RHBDD1: variants seen among roughly 807,000 people sequenced by gnomAD.
RHBDD1 encodes rhomboid domain containing 1, also known as rhomboid-related protein 4.
In RHBDD1, 38 loss-of-function variants were observed where a neutral mutation model predicts 36.3. The observed-to-expected ratio is 1.05, with a 90% CI of 0.81 to 1.37. The LOEUF is 1.37. Ranked by LOEUF, RHBDD1 falls within the 40% of genes most tolerant of loss-of-function variation. The pLI is 0.00. For synonymous variants in RHBDD1, 151 were observed against 136.5 expected, an observed-to-expected ratio of 1.11 and a Z score of -0.74; for missense variants, 393 against 377.6, an observed-to-expected ratio of 1.04 and a Z score of -0.34.
chr2:226,809,213 T>C, the RHBDD1 span, among the ~76,000 whole-genome samples: 16 of 152,180 alleles, frequency 1.1e-4, no homozygotes, highest in Non-Finnish European at 2.2e-4. Flanking sequence ...CCAGTAAAGT[T>C]GCTCTCTTTT....
intron 5 of RHBDD1, among the ~76,000 whole-genome samples, chr2:226,900,415 G>A (rs1947491369): frequency 6.6e-6 from 1 of 152,166 alleles, no homozygotes; most frequent in Admixed American, 6.5e-5. Flanking sequence ...AAAGGCAGCA[G>A]TGGTGTGCCT....
At chr2:226,917,840 T>C (rs1363456731) in intron 8 of RHBDD1, among the ~76,000 whole-genome samples, 2 of 151,988 alleles carry the variant, frequency 1.3e-5, no homozygotes, top group Non-Finnish European at 2.9e-5. Context: ...GGTTAGGATT[T>C]TGAATTACGG....
intron 5 of RHBDD1, among the ~76,000 whole-genome samples, chr2:226,900,155 C>T (rs537226643): frequency 6.6e-6 from 1 of 152,262 alleles, no homozygotes; most frequent in South Asian, 2.1e-4. Flanking sequence ...TTTCTGAAGA[C>T]AGGCTTGTTG....
chr2:226,855,326 AG>A (rs1943217644), intron 3 of RHBDD1, among the ~76,000 whole-genome samples: 1 of 152,196 alleles, frequency 6.6e-6, no homozygotes, highest in Non-Finnish European at 1.5e-5. Context: ...TGGACAACAC[AG>A]CAAGACCCCA....
chr2:226,899,951 T>C (rs1044318049), intron 5 of RHBDD1, among the ~76,000 whole-genome samples: 4 of 152,224 alleles, frequency 2.6e-5, no homozygotes, highest in Non-Finnish European at 5.9e-5. Context: ...TGTGCCGCCA[T>C]GATTTGAGTA....
rs1950894951 is a variant in RHBDD1, at chr2:226,945,166, T to TATG, written c.856+30817_856+30818insGAT. 2.0e-5 allele frequency among the ~76,000 whole-genome samples: 3 copies of TATG among 149,472 alleles called. No homozygotes were observed. In the Admixed American group the frequency reaches 2.0e-4, roughly 10 times the overall value. On this transcript the variant is annotated intron_variant, in intron 8 of 8. Coordinates refer to ENST00000392062, the MANE Select transcript of RHBDD1 (RefSeq NM_001167608.3). ...ATCTGATTATTATTATTATTATTAT[T>TATG]ATTATTATTATACTTTAAGTTCTGG...
At chr2:226,831,583 C>T (rs1940741641), upstream of RHBDD1, among the ~76,000 whole-genome samples, 1 of 152,122 alleles carries the variant, frequency 6.6e-6, no homozygotes, top group South Asian at 2.1e-4. Context: ...GGGAAAGAGA[C>T]AAGAATTCTC....
chr2:226,929,870 A>G (rs1416661626), intron 8 of RHBDD1, among the ~76,000 whole-genome samples: 1 of 152,044 alleles, frequency 6.6e-6, no homozygotes, highest in Admixed American at 6.6e-5. Context: ...TGAGAATCAA[A>G]TCCAAAACTC....
chr2:226,942,552 T>C, intron 8 of RHBDD1: 1 of 387,530 alleles, frequency 2.6e-6, no homozygotes. Context: ...GTGATCATCT[T>C]GAATTCAGAA....
intron 8 of RHBDD1, among the ~76,000 whole-genome samples, chr2:226,943,098 G>T (rs1363452975): frequency 6.6e-6 from 1 of 152,134 alleles, no homozygotes; most frequent in East Asian, 1.9e-4. Flanking sequence ...CAGCCTCAAG[G>T]TGGTCTAGTG....
At chr2:226,917,268 TA>T (rs1004671368) in intron 8 of RHBDD1, among the ~76,000 whole-genome samples, 4 of 152,024 alleles carry the variant, frequency 2.6e-5, no homozygotes, top group Non-Finnish European at 4.4e-5. Context: ...ATCTTATTCT[TA>T]AAAAAACTTC....
chr2:226,804,816 T>C, the RHBDD1 span: 2 of 152,144 alleles, frequency 1.3e-5, no homozygotes, highest in African/African-American at 4.8e-5. Flanking sequence ...GATTGATTGG[T>C]GATTTGGGGA....
chr2:226,869,568 T>C (rs1392496367), intron 5 of RHBDD1, among the ~76,000 whole-genome samples: 1 of 152,198 alleles, frequency 6.6e-6, no homozygotes, highest in Non-Finnish European at 1.5e-5. Flanking sequence ...AAAAAAAATC[T>C]GCCAAAGCAA....
chr2:226,867,699 C>A, intron 5 of RHBDD1: 1 of 945,458 alleles, frequency 1.1e-6, no homozygotes, highest in Non-Finnish European at 1.3e-6. Context: ...GTATGTTGAT[C>A]TAATGCTTTT....
chr2:226,967,342 C>T (rs1002932976), intron 8 of RHBDD1, among the ~76,000 whole-genome samples: 1 of 152,064 alleles, frequency 6.6e-6, no homozygotes, highest in South Asian at 2.1e-4. Context: ...TTATATAAAT[C>T]AGCCTGAATA....
At chr2:226,917,897 A>G (rs1949025773) in intron 8 of RHBDD1, among the ~76,000 whole-genome samples, 1 of 152,076 alleles carries the variant, frequency 6.6e-6, no homozygotes, top group South Asian at 2.1e-4. Flanking sequence ...AAGAAATCAT[A>G]AAAGTTAATA....
chr2:226,979,592 A>G (rs968249994), intron 8 of RHBDD1, among the ~76,000 whole-genome samples: 1 of 152,198 alleles, frequency 6.6e-6, no homozygotes, highest in African/African-American at 2.4e-5. Flanking sequence ...AGCATCCCGC[A>G]CAGGAGGAGA....
chr2:226,965,501 G>T (rs911965250), intron 8 of RHBDD1, among the ~76,000 whole-genome samples: 1 of 152,196 alleles, frequency 6.6e-6, no homozygotes, highest in Non-Finnish European at 1.5e-5. Context: ...AGAGGACTGC[G>T]GCTCCACTTA....
intron 8 of RHBDD1, among the ~76,000 whole-genome samples, chr2:226,965,150 G>A (rs140504322): frequency 2.0e-3 from 310 of 152,258 alleles, no homozygotes; most frequent in African/African-American, 6.1e-3. Context: ...CAGGTGTCCT[G>A]ATAAGAGACA....
Sources: gnomAD v4.1 joint callset for allele counts (sites outside exome capture counted in the v4.1 genomes callset) on GRCh38, gnomAD v4.1.1 for gene constraint, MANE v1.5 for transcripts, NCBI Gene and HGNC (gene_info 2026-07-23, HGNC 2026-07-21) for gene names.